The following PLCB4 variants were observed in gnomAD, a reference collection of about 807,000 sequenced individuals.
PLCB4 encodes phospholipase C beta 4.
A neutral mutation model predicts 178.8 loss-of-function variants in PLCB4; 77 were observed. The observed-to-expected ratio is 0.43, with a 90% confidence interval of 0.36 to 0.52. The LOEUF (loss-of-function observed/expected upper bound fraction) is 0.52, where lower values mean the gene tolerates loss of function less well. PLCB4 is among the 20% of genes least tolerant of loss of function. PLCB4 has a pLI of 0.00. For missense variants in PLCB4, 1,024 were observed against 1,453.4 expected, an observed-to-expected ratio of 0.70 and a Z score of 4.80; for synonymous variants, 496 against 490.8, an observed-to-expected ratio of 1.01 and a Z score of -0.14.
At chr20:9,236,828 A>C (rs1601358983) in intron 3 of PLCB4, among the ~76,000 whole-genome samples, 1 of 152,364 alleles carries the variant, frequency 6.6e-6, no homozygotes, top group East Asian at 1.9e-4. Context: ...TTTGGATAAA[A>C]GTTGTCCTGT....
chr20:9,430,390 CATTTTGTTCAAGAACA>C (rs1379552458), intron 28 of PLCB4, among the ~76,000 whole-genome samples: 2 of 152,122 alleles, frequency 1.3e-5, no homozygotes, highest in Non-Finnish European at 2.9e-5. Context: ...ATTTTTGTTG[CATTTTGTTCAAGAACA>C]TTATATTGCA....
chr20:9,478,753 T>C (rs1046933046), intron 39 of PLCB4, among the ~76,000 whole-genome samples, 168 bp from the exon 40 acceptor site: 16 of 152,140 alleles, frequency 1.1e-4, no homozygotes, highest in Non-Finnish European at 2.2e-4. Context: ...GATTCTACGT[T>C]TCTAAGAAGG....
chr20:9,241,724 A>G (rs2094065143), intron 3 of PLCB4, among the ~76,000 whole-genome samples: 1 of 152,240 alleles, frequency 6.6e-6, no homozygotes, highest in South Asian at 2.1e-4. Context: ...TGACAAAGTC[A>G]GTAGAATCAG....
intron 2 of PLCB4, among the ~76,000 whole-genome samples, chr20:9,187,879 A>G (rs1474130740): frequency 2.6e-5 from 4 of 152,154 alleles, no homozygotes; most frequent in African/African-American, 9.7e-5. Flanking sequence ...ACATGAAGGC[A>G]TTTTGCGTTC....
In PLCB4 at chr20:9,197,702, G is replaced by A. The variant is rs543512531; in HGVS notation, c.-78-19688G>A. Among the ~76,000 whole-genome samples, 212 of 152,346 alleles carry A rather than the reference G, an allele frequency of 1.4e-3. 1 individual carries two copies. Among genetic ancestry groups the A allele is most frequent in the African/African-American group, 4.8e-3 (198 of 41,590 alleles). On this transcript the variant is annotated intron_variant, in intron 2 of 39. Coordinates refer to ENST00000378473, the MANE Select transcript of PLCB4 (RefSeq NM_001377142.1). ...GAAATAAAACTAAACCAGGCCGGGC[G>A]CGGTGGCGCATGCCTGTAATCCCAG...
At chr20:9,074,496 A>G (rs1471945053) in intron 1 of PLCB4, among the ~76,000 whole-genome samples, 2 of 152,160 alleles carry the variant, frequency 1.3e-5, no homozygotes, top group Non-Finnish European at 2.9e-5. Flanking sequence ...TCTCTTTCAT[A>G]GGGGTAGATG....
intron 2 of PLCB4, among the ~76,000 whole-genome samples, chr20:9,146,855 C>T (rs2092606976): frequency 1.3e-5 from 2 of 152,112 alleles, no homozygotes; most frequent in Admixed American, 6.6e-5. Flanking sequence ...GCGAGGTCAG[C>T]ATTATGCTTT....
rs147949754 is a variant in PLCB4, at chr20:9,315,704, G to A, written c.84+7806G>A. ...TCCCAGCACTTTGGTAGGCTGAGGCGGGCACATCACCTGAGATCAGGAGTT... is the reference window on the plus strand; with the variant it reads ...TCCCAGCACTTTGGTAGGCTGAGGCAGGCACATCACCTGAGATCAGGAGTT... On this transcript the variant is annotated intron_variant, in intron 4 of 39. Coordinates refer to ENST00000378473, the MANE Select transcript of PLCB4 (RefSeq NM_001377142.1). Among the ~76,000 whole-genome samples the A allele has an allele frequency of 7.2e-5, 11 of 152,152 alleles. No homozygotes were observed. The East Asian group carries it at 1.4e-3, about 19-fold the overall frequency.
rs2044812108 is a variant in PLCB4 at position 9,480,661 on chromosome 20, A to G, written c.*1652A>G. ...GTTGTAATAGACTTGTTTTTCTCCT[A>G]TTTATGATTTGAAGTGGATTCTGTA... On this transcript the variant is annotated 3_prime_UTR_variant, in exon 40 of 40. Transcript: ENST00000378473. The G allele has an allele frequency of 6.6e-6, 1 of 152,150 alleles. No individual in the cohort carries two copies. 9.4% of individuals were successfully genotyped at this position (152,150 alleles called of 1,614,324 possible).
At chr20:9,476,612 G>C (rs926140822) in intron 38 of PLCB4, 105 bp from the exon 39 acceptor site, 2 of 790,774 alleles carry the variant, frequency 2.5e-6, no homozygotes, top group Non-Finnish European at 4.3e-6. Context: ...TTGCTTTTCT[G>C]TATATGGTTT....
At chr20:9,162,054 C>T (rs993941979) in intron 2 of PLCB4, among the ~76,000 whole-genome samples, 10 of 151,926 alleles carry the variant, frequency 6.6e-5, no homozygotes, top group Admixed American at 5.9e-4. Context: ...ATTTCTTTAG[C>T]ATGTTCTGTT....
chr20:9,131,237 A>C (rs1392500552), intron 2 of PLCB4, among the ~76,000 whole-genome samples: 1 of 151,970 alleles, frequency 6.6e-6, no homozygotes, highest in East Asian at 1.9e-4. Flanking sequence ...CTGATCGATC[A>C]ATCTCTCTTC....
At chr20:9,182,582 C>A (rs1330352159) in intron 2 of PLCB4, among the ~76,000 whole-genome samples, 1 of 152,120 alleles carries the variant, frequency 6.6e-6, no homozygotes, top group Non-Finnish European at 1.5e-5. Flanking sequence ...AATAGCAGGG[C>A]TGTAATAGCA....
rs773003801 is a variant in PLCB4, at chr20:9,408,029, T to C, written c.1760T>C (p.Val587Ala). 18 of 1,613,678 alleles carry C rather than the reference T, an allele frequency of 1.1e-5. No individual in the cohort carries two copies. The highest frequency in any genetic ancestry group is 1.4e-5 in the Non-Finnish European group (17 of 1,179,732). Residue 587 changes from valine (V) to alanine (A), a missense_variant, in exon 22 of 40, where the codon GTA becomes GCA. Around this residue, in one of 7 missense-constraint regions of PLCB4, gnomAD observed 263 missense variants for 417.4 expected, o/e 0.63. Coordinates refer to ENST00000378473, the MANE Select transcript of PLCB4 (RefSeq NM_001377142.1). Reference sequence around the variant, plus strand: ...ACAATGATCAACTACGCCCAGCCTGTAAAGTTTCAAGGTTTCCATGTGGCA... The same window carrying C: ...ACAATGATCAACTACGCCCAGCCTGCAAAGTTTCAAGGTTTCCATGTGGCA... ...LSTMINYAQPVKFQGFHVAEE... is the reference protein window; with the variant it reads ...LSTMINYAQPAKFQGFHVAEE...
chr20:9,203,059 ATATAT>A (rs2093570171), intron 2 of PLCB4, among the ~76,000 whole-genome samples: 5 of 108,736 alleles, frequency 4.6e-5, no homozygotes, highest in African/African-American at 1.3e-4. Flanking sequence ...AAAAAAAAAT[ATATAT>A]ATATATATAT....
intron 7 of PLCB4, among the ~76,000 whole-genome samples, chr20:9,344,712 A>G (rs889446818): frequency 6.6e-6 from 1 of 152,178 alleles, no homozygotes; most frequent in Admixed American, 6.5e-5. Context: ...CCCGTGTGTT[A>G]TTTTTAGAGC....
At chr20:9,117,253 A>AT (rs1050423285) in intron 2 of PLCB4, among the ~76,000 whole-genome samples, 1 of 152,104 alleles carries the variant, frequency 6.6e-6, no homozygotes, top group East Asian at 1.9e-4. Flanking sequence ...ACCTTCATAC[A>AT]TTTTTTCACC....
chr20:9,205,907 T>A (rs1036175892), intron 2 of PLCB4, among the ~76,000 whole-genome samples: 2 of 152,224 alleles, frequency 1.3e-5, no homozygotes, highest in South Asian at 4.1e-4. Flanking sequence ...CTCAGCAAAA[T>A]TCCCTTGAGA....
intron 2 of PLCB4, among the ~76,000 whole-genome samples, chr20:9,211,101 T>C (rs2093668216): frequency 6.6e-6 from 1 of 152,212 alleles, no homozygotes; most frequent in Non-Finnish European, 1.5e-5. Flanking sequence ...TAACCTGCGA[T>C]TCATTCGAGG....
Sources: gnomAD v4.1 joint callset for allele counts (sites outside exome capture counted in the v4.1 genomes callset) on GRCh38, gnomAD v4.1.1 for gene constraint, gnomAD v4.1.1 regional missense constraint, MANE v1.5 for transcripts, NCBI Gene and HGNC (gene_info 2026-07-23, HGNC 2026-07-21) for gene names.